Variants in NKD1 observed in about 807,000 individuals in gnomAD.
NKD1 encodes NKD inhibitor of Wnt signaling pathway 1.
A neutral mutation model predicts 56.0 loss-of-function variants in NKD1; 21 were observed. That is an observed-to-expected ratio of 0.38 (90% CI 0.27 to 0.54). NKD1 has a LOEUF of 0.54. Among genes scored for constraint, NKD1 ranks in the 20% least tolerant of loss-of-function variants. NKD1 has a pLI of 0.82. For synonymous variants in NKD1, 263 were observed against 265.7 expected (o/e 0.99, Z 0.10); for missense variants, 578 against 642.7 (o/e 0.90, Z 1.09).
At chr16:50,593,222 G>A (rs748309884) in intron 3 of NKD1, among the ~76,000 whole-genome samples, 6 of 152,116 alleles carry the variant, frequency 3.9e-5, no homozygotes, top group African/African-American at 7.2e-5. Context: ...GAGGAGGAGC[G>A]AGTGAGCAGG....
chr16:50,615,991 C>A, intron 4 of NKD1: 1 of 443,016 alleles, frequency 2.3e-6, no homozygotes, highest in African/African-American at 2.0e-5. Flanking sequence ...CAGATTTACC[C>A]GCCTAATTAT....
chr16:50,624,559 A>G (rs1396040483), intron 5 of NKD1, among the ~76,000 whole-genome samples: 3 of 152,272 alleles, frequency 2.0e-5, no homozygotes, highest in South Asian at 2.1e-4. Flanking sequence ...CCTGTTTCCA[A>G]TTCCCATAAG....
chr16:50,559,629 G>A (rs140691425), intron 3 of NKD1, among the ~76,000 whole-genome samples: 363 of 152,154 alleles, frequency 2.4e-3, no homozygotes, highest in African/African-American at 8.2e-3. Context: ...GTTGCATCCC[G>A]TCATGAGGCC....
intron 2 of NKD1, 36 bp downstream of exon 2, chr16:50,548,785 C>A: frequency 7.3e-7 from 1 of 1,365,068 alleles, no homozygotes. Context: ...CGGGGATGGA[C>A]GCGGGGGACA....
intron 3 of NKD1, among the ~76,000 whole-genome samples, chr16:50,565,616 GAGTTCGAGGCTGC>G (rs1487409493): frequency 6.6e-6 from 1 of 152,170 alleles, no homozygotes; most frequent in Non-Finnish European, 1.5e-5. Flanking sequence ...TTGGGGCCAG[GAGTTCGAGGCTGC>G]AGTGAGCCAT....
rs569510373 is a variant in NKD1 at position 50,589,634 on chromosome 16, C to T, written c.193-18660C>T. ...CCAAGTCTGGGTAGTTCACGCTCCC[C>T]TATAAAGGCAGCGGGCAAATGGATC... On this transcript the variant is annotated intron_variant, in intron 3 of 9. Transcript: ENST00000268459. Among the ~76,000 whole-genome samples, 10 of 152,312 alleles carry T rather than the reference C, an allele frequency of 6.6e-5. No individual in the cohort carries two copies. The South Asian group carries it at 2.1e-3, about 32-fold the overall frequency.
chr16:50,594,361 G>T (rs1961430409), intron 3 of NKD1, among the ~76,000 whole-genome samples: 1 of 152,186 alleles, frequency 6.6e-6, no homozygotes, highest in African/African-American at 2.4e-5. Flanking sequence ...CCTACTCCCT[G>T]TGAATTCACC....
intron 3 of NKD1, among the ~76,000 whole-genome samples, chr16:50,573,467 C>T (rs934071355): frequency 6.6e-6 from 1 of 152,226 alleles, no homozygotes; most frequent in Non-Finnish European, 1.5e-5. Context: ...AGTGTGAAGC[C>T]GGGTGCTGCG....
chr16:50,562,980 A>ACC (rs1330575476), intron 3 of NKD1, among the ~76,000 whole-genome samples: 9 of 56,376 alleles, frequency 1.6e-4, no homozygotes, highest in South Asian at 5.5e-4. Flanking sequence ...GCTAGGTCCC[A>ACC]CCACCACCCC....
In NKD1 at chr16:50,578,323, A is replaced by G. The variant is rs116920373; in HGVS notation, c.192+28768A>G. On this transcript the variant is annotated intron_variant, in intron 3 of 9. Transcript: ENST00000268459. The stretch of plus-strand genomic sequence containing the variant: ...ACCCTGATGAAAGAGGTGCTGGGAA[A>G]TGTAGTCCCATCTGGGCAGCTACCT... Among the ~76,000 whole-genome samples, 928 of 152,308 alleles carry G rather than the reference A, an allele frequency of 6.1e-3. 1 individual carries two copies. Among genetic ancestry groups the G allele is most frequent in the Non-Finnish European group, 0.01 (686 of 68,010 alleles).
At chr16:50,555,929 CTT>C (rs1424348264) in intron 3 of NKD1, 2 of 152,296 alleles carry the variant, frequency 1.3e-5, no homozygotes, top group Non-Finnish European at 2.9e-5. Context: ...CGTTCTTTCT[CTT>C]CCTCTCCCTC....
intron 3 of NKD1, among the ~76,000 whole-genome samples, chr16:50,554,847 T>C (rs183737738): frequency 1.3e-5 from 2 of 152,266 alleles, no homozygotes; most frequent in African/African-American, 4.8e-5. Context: ...ATTGAACTCC[T>C]GGCCTCAAAC....
At chr16:50,589,008 T>G (rs1036433399) in intron 3 of NKD1, among the ~76,000 whole-genome samples, 7 of 152,166 alleles carry the variant, frequency 4.6e-5, no homozygotes, top group Admixed American at 1.3e-4. Flanking sequence ...GTTATAAACA[T>G]GGGGCGCTTG....
At chr16:50,603,364 T>G (rs1399852031) in intron 3 of NKD1, among the ~76,000 whole-genome samples, 2 of 152,176 alleles carry the variant, frequency 1.3e-5, no homozygotes, top group Non-Finnish European at 2.9e-5. Context: ...TGAGAGCGCC[T>G]GGCCAGGCTG....
chr16:50,598,678 C>T lies in NKD1; in HGVS notation c.193-9616C>T, dbSNP rs566741117. On this transcript the variant is annotated intron_variant, in intron 3 of 9. Transcript: ENST00000268459. The surrounding 1 kb of genome is among the most constrained non-coding windows in gnomAD (Gnocchi z 4.2). Reference sequence around the variant, plus strand: ...TGGTGATCAGAGGCACGCCACAGGCCCTCGGGCCTCTCCTCTTATCAGCAC... The same window carrying T: ...TGGTGATCAGAGGCACGCCACAGGCTCTCGGGCCTCTCCTCTTATCAGCAC... Among the ~76,000 whole-genome samples the T allele has an allele frequency of 1.3e-5, 2 of 152,318 alleles. No individual in the cohort carries two copies. Among genetic ancestry groups the T allele is most frequent in the East Asian group, 3.9e-4 (2 of 5,166 alleles).
At chr16:50,617,583 C>T (rs901084408) in intron 4 of NKD1, among the ~76,000 whole-genome samples, 4 of 152,160 alleles carry the variant, frequency 2.6e-5, no homozygotes, top group Middle Eastern at 3.4e-3. Flanking sequence ...GGGAGAGAAC[C>T]GTCATTTGGT....
At chr16:50,554,300 T>A (rs1346397031) in intron 3 of NKD1, among the ~76,000 whole-genome samples, 2 of 151,980 alleles carry the variant, frequency 1.3e-5, no homozygotes, top group Non-Finnish European at 2.9e-5. Context: ...TGTTGGAAGG[T>A]GGGGATGGAT....
intron 3 of NKD1, chr16:50,554,040 G>A (rs1252674937): frequency 6.6e-6 from 1 of 152,322 alleles, no homozygotes; most frequent in Admixed American, 6.5e-5. Flanking sequence ...ATGGGTCTTT[G>A]TGATGTGGTC....
At position 50,644,400 on chromosome 16, in the gene NKD1, A is replaced by T. The variant is rs1962638218; in HGVS notation, c.*10619A>T. On this transcript the variant is annotated 3_prime_UTR_variant, in exon 10 of 10. Coordinates refer to ENST00000268459, the MANE Select transcript of NKD1 (RefSeq NM_033119.5). ...CCACCCGCCCCCAGCGGGACCTAGCACATGGCCTGCTGTTGACACTCCATG... is the reference window on the plus strand; with the variant it reads ...CCACCCGCCCCCAGCGGGACCTAGCTCATGGCCTGCTGTTGACACTCCATG... 6.6e-6 allele frequency: 1 copy of T among 152,262 alleles called. No individual in the cohort carries two copies. Among genetic ancestry groups the T allele is most frequent in the South Asian group, 2.1e-4 (1 of 4,838 alleles). 9.4% of individuals were successfully genotyped at this position (152,262 alleles called of 1,614,324 possible). A position where few individuals can be genotyped will look rare whatever the true frequency, so the allele number is the denominator to read the frequency against.
Sources: gnomAD v4.1 joint callset for allele counts (sites outside exome capture counted in the v4.1 genomes callset) on GRCh38, gnomAD v4.1.1 for gene constraint, Gnocchi (gnomAD v3.1) non-coding constraint, MANE v1.5 for transcripts, NCBI Gene and HGNC (gene_info 2026-07-23, HGNC 2026-07-21) for gene names.